The following CEP128 variants were observed in gnomAD, a reference collection of about 807,000 sequenced individuals.
The protein encoded by CEP128 is centrosomal protein 128kDa.
CEP128 carries 132 observed loss-of-function variants against 156.7 expected under a neutral mutation model. That is an observed-to-expected ratio of 0.84 (90% CI 0.73 to 0.97). The LOEUF (loss-of-function observed/expected upper bound fraction) is 0.97. CEP128 is among the 50% of genes least tolerant of loss of function. The pLI is 0.00. For synonymous variants in CEP128, 469 were observed against 448.9 expected (o/e 1.04, Z -0.57); for missense variants, 1,252 against 1,281.9 (o/e 0.98, Z 0.36).
At chr14:80,741,852 C>A (rs1419821120) in intron 19 of CEP128, among the ~76,000 whole-genome samples, 2 of 151,508 alleles carry the variant, frequency 1.3e-5, no homozygotes, top group East Asian at 3.9e-4. Flanking sequence ...TCTATGTGTA[C>A]CATTATAAAA....
At chr14:80,572,439 T>C (rs537085273) in intron 20 of CEP128, among the ~76,000 whole-genome samples, 1 of 152,348 alleles carries the variant, frequency 6.6e-6, no homozygotes, top group African/African-American at 2.4e-5. Flanking sequence ...TTCACAATTC[T>C]CATTGTTATC....
chr14:80,704,525 T>C (rs1325740873), intron 19 of CEP128, among the ~76,000 whole-genome samples: 1 of 152,092 alleles, frequency 6.6e-6, no homozygotes, highest in Non-Finnish European at 1.5e-5. Flanking sequence ...CAAGTTTTTA[T>C]GTTTCTTCCA....
chr14:80,757,739 C>T (rs1488442996), intron 17 of CEP128, among the ~76,000 whole-genome samples: 2 of 152,240 alleles, frequency 1.3e-5, no homozygotes, highest in African/African-American at 4.8e-5. Flanking sequence ...TTCCTATTCT[C>T]AAATACCTCC....
chr14:80,792,749 G>A lies in CEP128; in HGVS notation c.1560+11C>T. The A allele has an allele frequency of 6.2e-7, 1 of 1,606,034 alleles. No individual in the cohort carries two copies. The stretch of plus-strand genomic sequence containing the variant: ...ATTGAAAACCGTTCCTTAGGAATGT[G>A]GCTTTTATACCTGATTATTCTTGCC... On this transcript the variant is annotated intron_variant, in intron 14 of 24. Coordinates refer to ENST00000555265, the MANE Select transcript of CEP128 (RefSeq NM_152446.5).
chr14:80,955,944 G>A (rs900816207), intron 2 of CEP128: 35 of 1,463,148 alleles, frequency 2.4e-5, no homozygotes, highest in Non-Finnish European at 3.1e-5. Flanking sequence ...ATAACAGCCC[G>A]AAGTAGTGTG....
chr14:80,876,239 TAAAAAC>T (rs889806591), intron 8 of CEP128, among the ~76,000 whole-genome samples: 2 of 150,020 alleles, frequency 1.3e-5, no homozygotes, highest in African/African-American at 2.5e-5. Flanking sequence ...AAACTATAAA[TAAAAAC>T]AAAGACAAAG....
intron 8 of CEP128, among the ~76,000 whole-genome samples, chr14:80,886,367 G>C (rs1888799488): frequency 6.6e-6 from 1 of 152,132 alleles, no homozygotes; most frequent in Middle Eastern, 3.2e-3. Flanking sequence ...AAAATGTTAA[G>C]AGCAGCCAGA....
At chr14:80,542,085 G>A (rs922474092) in intron 21 of CEP128, among the ~76,000 whole-genome samples, 1 of 151,944 alleles carries the variant, frequency 6.6e-6, no homozygotes, top group Admixed American at 6.5e-5. Context: ...GATAACACTA[G>A]TTATTATTCT....
intron 11 of CEP128, among the ~76,000 whole-genome samples, chr14:80,837,103 T>C (rs1172535107): frequency 1.3e-5 from 2 of 152,236 alleles, no homozygotes; most frequent in East Asian, 1.9e-4. Context: ...AGTCAGCGAA[T>C]ATTTTCAAAG....
At position 80,761,441 on chromosome 14, in the gene CEP128, A is replaced by C; in HGVS notation, c.2549T>G (p.Leu850Ter). Reference protein sequence around the residue: ...KTFSKDSVEKLKVFSSGPDIH... With the variant: ...KTFSKDSVEK The stretch of plus-strand genomic sequence containing the variant: ...GCAATGAGAATTCATAATTACTTTT[A>C]ATTTCTCCACTGAGTCCTTGGAGAA... Residue 850 changes from leucine (L) to a stop codon, truncating the protein, a stop_gained, in exon 17 of 25, where the codon TTA becomes TGA. Transcript: ENST00000555265. LOFTEE classifies it high-confidence loss of function. The C allele has an allele frequency of 6.3e-7, 1 of 1,589,786 alleles. No homozygotes were observed.
At chr14:80,897,983 T>C (rs2139407873) in intron 7 of CEP128, among the ~76,000 whole-genome samples, 1 of 152,322 alleles carries the variant, frequency 6.6e-6, no homozygotes, top group East Asian at 1.9e-4. Flanking sequence ...TTTCACCATG[T>C]TGCCCTGACT....
intron 19 of CEP128, among the ~76,000 whole-genome samples, chr14:80,647,116 CACACACACAT>C (rs1269211065): frequency 9.0e-5 from 11 of 121,984 alleles, no homozygotes; most frequent in South Asian, 2.8e-4. Flanking sequence ...TACACACACA[CACACACACAT>C]ACACACACAC....
intron 19 of CEP128, among the ~76,000 whole-genome samples, chr14:80,680,738 T>C (rs767992915): frequency 7.2e-5 from 11 of 152,214 alleles, no homozygotes; most frequent in South Asian, 2.1e-4. Flanking sequence ...TGCAGAGAAA[T>C]TGGGGCTGAG....
chr14:80,615,930 T>C (rs985383548), intron 19 of CEP128, among the ~76,000 whole-genome samples: 2 of 152,164 alleles, frequency 1.3e-5, no homozygotes, highest in African/African-American at 2.4e-5. Context: ...GTGTACAAGA[T>C]TGAGAAATAG....
intron 2 of CEP128, among the ~76,000 whole-genome samples, chr14:80,954,734 T>A (rs1886564731): frequency 6.6e-6 from 1 of 152,240 alleles, no homozygotes; most frequent in Non-Finnish European, 1.5e-5. Context: ...CTGATTTATG[T>A]TTGTAATGAT....
At chr14:80,799,574 T>C (rs1403799724) in intron 13 of CEP128, among the ~76,000 whole-genome samples, 1 of 152,172 alleles carries the variant, frequency 6.6e-6, no homozygotes, top group African/African-American at 2.4e-5. Flanking sequence ...GACATGCAAG[T>C]AGGGAAGATA....
At chr14:80,555,504 A>T (rs930035442) in intron 21 of CEP128, among the ~76,000 whole-genome samples, 1 of 151,978 alleles carries the variant, frequency 6.6e-6, no homozygotes, top group African/African-American at 2.4e-5. Flanking sequence ...TTCTTTAAAC[A>T]CTCCTTTAAG....
At chr14:80,699,467 C>G (rs1305638962) in intron 19 of CEP128, among the ~76,000 whole-genome samples, 3 of 152,170 alleles carry the variant, frequency 2.0e-5, no homozygotes, top group East Asian at 1.9e-4. Context: ...ACAAGTACTG[C>G]AAGGGGAGAT....
chr14:80,518,456 A>G (rs75389495), intron 23 of CEP128, among the ~76,000 whole-genome samples: 91 of 152,258 alleles, frequency 6.0e-4, no homozygotes, highest in African/African-American at 2.1e-3. Context: ...TTGTTGGGGA[A>G]GTATTCTATA....
Sources: allele counts gnomAD v4.1 joint callset (sites outside exome capture counted in the v4.1 genomes callset), GRCh38; gene constraint gnomAD v4.1.1; transcripts MANE v1.5; gene names NCBI Gene and HGNC (gene_info 2026-07-23, HGNC 2026-07-21).